MAPK8: variants seen among roughly 807,000 people sequenced by gnomAD.
MAPK8 encodes the protein mitogen-activated protein kinase 8.
Under a neutral mutation model 52.9 loss-of-function variants are expected in MAPK8, and 13 were observed. The observed-to-expected ratio is 0.25, with a 90% CI of 0.16 to 0.39. The LOEUF (loss-of-function observed/expected upper bound fraction) is 0.39. Ranked by LOEUF, MAPK8 falls within the 10% of genes least tolerant of loss-of-function variation. MAPK8 has a pLI of 1.00. For synonymous variants in MAPK8, 191 were observed against 169.8 expected, an observed-to-expected ratio of 1.12 and a Z score of -0.97; for missense variants, 300 against 519.2, an observed-to-expected ratio of 0.58 and a Z score of 4.10.
At chr10:48,332,409 C>T (rs1023285232) in intron 1 of MAPK8, among the ~76,000 whole-genome samples, 14 of 152,164 alleles carry the variant, frequency 9.2e-5, no homozygotes, top group African/African-American at 2.7e-4. Context: ...CATGCAGAGT[C>T]GGGGATCCCC....
intron 1 of MAPK8, among the ~76,000 whole-genome samples, chr10:48,396,011 A>G (rs532040301): frequency 6.6e-6 from 1 of 152,140 alleles, no homozygotes; most frequent in African/African-American, 2.4e-5. Context: ...TAAAACTTTT[A>G]TAAGGAAACA....
chr10:48,322,568 A>G lies in MAPK8; in HGVS notation c.-50+15747A>G, dbSNP rs148428006. Among the ~76,000 whole-genome samples the G allele has an allele frequency of 7.0e-3, 1,059 of 152,232 alleles. 16 individuals carry two copies. The highest frequency in any genetic ancestry group is 0.023 in the African/African-American group (954 of 41,544). On this transcript the variant is annotated intron_variant, in intron 1 of 11. Coordinates refer to ENST00000374189, the MANE Select transcript of MAPK8 (RefSeq NM_001323329.2). ...CGAAGGCTGGTCTATTTTATGTTTT[A>G]TTTACTTCTAGGTATGACCCCTTGG...
intron 8 of MAPK8, 90 bp downstream of exon 8, chr10:48,426,160 A>C (rs533771996): frequency 8.3e-6 from 10 of 1,206,948 alleles, no homozygotes; most frequent in Non-Finnish European, 1.0e-5. Context: ...TCATATTCTT[A>C]TGGGACATGA....
intron 3 of MAPK8, among the ~76,000 whole-genome samples, chr10:48,409,027 A>G (rs952601538): frequency 1.3e-5 from 2 of 152,144 alleles, no homozygotes; most frequent in African/African-American, 4.8e-5. Context: ...TTACCTTCCA[A>G]AGGCCCCATT....
chr10:48,320,473 G>A (rs1842900812), intron 1 of MAPK8, among the ~76,000 whole-genome samples: 1 of 151,944 alleles, frequency 6.6e-6, no homozygotes, highest in African/African-American at 2.4e-5. Flanking sequence ...CTGGCCTCAA[G>A]TTATCCTCCC....
At chr10:48,424,537 AT>A in intron 7 of MAPK8, 1 of 1,602,770 alleles carries the variant, frequency 6.2e-7, no homozygotes, top group Non-Finnish European at 8.5e-7. Flanking sequence ...AGTTGGGTGC[AT>A]CATGGGAGAA....
At chr10:48,368,001 G>C (rs1008707407) in intron 1 of MAPK8, among the ~76,000 whole-genome samples, 1 of 152,104 alleles carries the variant, frequency 6.6e-6, no homozygotes, top group Admixed American at 6.6e-5. Flanking sequence ...GGAGATAATG[G>C]GTGGATTTGA....
chr10:48,347,321 G>C (rs901510338), intron 1 of MAPK8, among the ~76,000 whole-genome samples: 1 of 152,168 alleles, frequency 6.6e-6, no homozygotes, highest in African/African-American at 2.4e-5. Flanking sequence ...CAAGAAGCAG[G>C]AAAGTGTCAG....
intron 1 of MAPK8, among the ~76,000 whole-genome samples, chr10:48,400,351 A>G (rs1162695463): frequency 6.6e-6 from 1 of 152,182 alleles, no homozygotes; most frequent in Non-Finnish European, 1.5e-5. Flanking sequence ...TCGGTTTTAC[A>G]GCTTACATAG....
chr10:48,381,125 TGTATCA>T (rs2040976311), intron 1 of MAPK8, among the ~76,000 whole-genome samples: 1 of 152,216 alleles, frequency 6.6e-6, no homozygotes, highest in African/African-American at 2.4e-5. Flanking sequence ...ATCCTACCTT[TGTATCA>T]GTATATTATT....
At chr10:48,389,094 C>T (rs2041485668) in intron 1 of MAPK8, among the ~76,000 whole-genome samples, 1 of 152,052 alleles carries the variant, frequency 6.6e-6, no homozygotes, top group Admixed American at 6.6e-5. Context: ...CTTCTTAGTG[C>T]AGGACATAGT....
chr10:48,314,080 A>G (rs759103755), intron 1 of MAPK8, among the ~76,000 whole-genome samples: 22 of 152,188 alleles, frequency 1.4e-4, no homozygotes, highest in African/African-American at 1.9e-4. Flanking sequence ...TTGGGCTGCT[A>G]TATCAAAATA....
chr10:48,411,932 C>T (rs2042776285), intron 5 of MAPK8, among the ~76,000 whole-genome samples: 1 of 146,564 alleles, frequency 6.8e-6, no homozygotes. Flanking sequence ...GCAACCTCTA[C>T]CTCCTGGGTT....
Position 48,437,173 on chromosome 10 carries a change from C to T in MAPK8, c.*2144C>T, listed in dbSNP as rs1307979693. The T allele has an allele frequency of 2.0e-5, 3 of 152,218 alleles. No homozygotes were observed. The highest frequency in any genetic ancestry group is 4.8e-5 in the African/African-American group (2 of 41,454). 9.4% of individuals were successfully genotyped at this position (152,218 alleles called of 1,614,324 possible). The stretch of plus-strand genomic sequence containing the variant: ...GTTCAATTCAAAGAAAACAAACTCT[C>T]ATTACTTAGTGTAAACTAAAATACT... On this transcript the variant is annotated 3_prime_UTR_variant, in exon 12 of 12. Coordinates refer to ENST00000374189, the MANE Select transcript of MAPK8 (RefSeq NM_001323329.2).
chr10:48,379,955 A>C (rs866829215), intron 1 of MAPK8, among the ~76,000 whole-genome samples: 73 of 151,686 alleles, frequency 4.8e-4, no homozygotes, highest in African/African-American at 1.8e-3. Flanking sequence ...AAAAAAAAAA[A>C]AAAACAGACT....
chr10:48,328,812 T>C (rs1843793928), intron 1 of MAPK8, among the ~76,000 whole-genome samples: 1 of 152,230 alleles, frequency 6.6e-6, no homozygotes, highest in African/African-American at 2.4e-5. Flanking sequence ...CTATGGCATC[T>C]CTGAAAGTAA....
At chr10:48,351,441 G>A (rs1846315495) in intron 1 of MAPK8, among the ~76,000 whole-genome samples, 1 of 151,678 alleles carries the variant, frequency 6.6e-6, no homozygotes, top group African/African-American at 2.4e-5. Flanking sequence ...AAACTGCTGG[G>A]CTAAGCGATC....
intron 1 of MAPK8, among the ~76,000 whole-genome samples, chr10:48,360,649 ACACT>A (rs1348707096): frequency 1.3e-5 from 2 of 152,216 alleles, no homozygotes; most frequent in African/African-American, 2.4e-5. Flanking sequence ...ACAGCCACAC[ACACT>A]CTCACACGCA....
At chr10:48,358,269 A>G (rs1589057635) in intron 1 of MAPK8, among the ~76,000 whole-genome samples, 1 of 152,182 alleles carries the variant, frequency 6.6e-6, no homozygotes. Flanking sequence ...GTACCATTTT[A>G]TATTTCTACC....
Sources: gnomAD v4.1 joint callset for allele counts (sites outside exome capture counted in the v4.1 genomes callset) on GRCh38, gnomAD v4.1.1 for gene constraint, MANE v1.5 for transcripts, NCBI Gene and HGNC (gene_info 2026-07-23, HGNC 2026-07-21) for gene names.